Variants in ANXA10 observed in about 807,000 individuals in gnomAD.
The protein encoded by ANXA10 is annexin A10, also known as annexin 14.
Under a neutral mutation model 53.5 loss-of-function variants are expected in ANXA10, and 49 were observed. That is an observed-to-expected ratio of 0.92 (90% CI 0.73 to 1.16). ANXA10 has a LOEUF of 1.16. ANXA10 is among the 50% of genes most tolerant of loss of function. The probability of loss-of-function intolerance (pLI) is 0.00; values close to 1 mark genes in which losing one functional copy is unlikely to be tolerated. For synonymous variants in ANXA10, 131 were observed against 128.9 expected, an observed-to-expected ratio of 1.02 and a Z score of -0.11; for missense variants, 393 against 394.4, an observed-to-expected ratio of 1.00 and a Z score of 0.03.
intron 3 of ANXA10, among the ~76,000 whole-genome samples, chr4:168,153,087 G>A (rs1731525757): frequency 6.6e-6 from 1 of 151,986 alleles, no homozygotes; most frequent in Admixed American, 6.6e-5. Flanking sequence ...CAAGCAATCT[G>A]GCGGCCTCAG....
intron 6 of ANXA10, among the ~76,000 whole-genome samples, chr4:168,170,557 T>C (rs1022525761): frequency 5.9e-5 from 9 of 152,166 alleles, no homozygotes; most frequent in Non-Finnish European, 1.2e-4. Flanking sequence ...CCGTTTGTGG[T>C]TCCACCAAAA....
At chr4:168,147,702 C>T (rs965650186) in intron 3 of ANXA10, among the ~76,000 whole-genome samples, 2 of 152,136 alleles carry the variant, frequency 1.3e-5, no homozygotes, top group African/African-American at 4.8e-5. Flanking sequence ...CCTTTGAATT[C>T]GGGTTTACTT....
chr4:168,141,320 T>G (rs892709599), intron 3 of ANXA10, among the ~76,000 whole-genome samples: 2 of 152,220 alleles, frequency 1.3e-5, no homozygotes, highest in Non-Finnish European at 2.9e-5. Flanking sequence ...ATTATTTCTC[T>G]TCACACATTT....
At chr4:168,148,019 C>T (rs995779754) in intron 3 of ANXA10, among the ~76,000 whole-genome samples, 1 of 152,164 alleles carries the variant, frequency 6.6e-6, no homozygotes. Flanking sequence ...TTTTGGCCTA[C>T]ACAAAGTCCT....
rs1213547376 is a variant in ANXA10 at position 168,155,764 on chromosome 4, A to G, written c.196-6764A>G. Among the ~76,000 whole-genome samples the G allele has an allele frequency of 2.5e-3, 49 of 19,772 alleles. 12 individuals carry two copies. The highest frequency in any genetic ancestry group is 3.5e-3 in the Non-Finnish European group (45 of 12,972). The allele number at this position is 19,772 out of a possible 152,430, so 13.0% of individuals were successfully genotyped here. A position where few individuals can be genotyped will look rare whatever the true frequency, so the allele number is the denominator to read the frequency against. On this transcript the variant is annotated intron_variant, in intron 3 of 11. Coordinates refer to ENST00000359299, the MANE Select transcript of ANXA10 (RefSeq NM_007193.5). ...TCATATATTATATATTATATAATAT[A>G]TGATATATCATATATTATATATTAT...
At chr4:168,164,117 G>C (rs1387629341) in intron 4 of ANXA10, 81 bp from the exon 5 acceptor site, 1 of 1,038,726 alleles carries the variant, frequency 9.6e-7, no homozygotes, top group Non-Finnish European at 1.4e-6. Context: ...TGGAAATGCT[G>C]TATCCCTTTC....
Position 168,177,918 on chromosome 4 carries a change from C to T in ANXA10, c.563C>T (p.Thr188Met), listed in dbSNP as rs939324362. The change falls in exon 8 of 12, where the codon ACG becomes ATG. Residue 188 changes from threonine to methionine, a missense_variant. Physicochemically the swap from Thr to Met is moderately conservative, Grantham distance 81 (BLOSUM62 -1). Transcript: ENST00000359299. ...MVLWEACQQK[T>M]GEHKTMLQMI... ...CTATGGGAAGCCTGTCAGCAGAAGA[C>T]GGGGGAGCACAAAACCATGCTGCAA... The T allele has an allele frequency of 3.2e-5, 51 of 1,613,878 alleles. No individual in the cohort carries two copies. Among genetic ancestry groups the T allele is most frequent in the Non-Finnish European group, 4.2e-5 (49 of 1,180,028 alleles).
chr4:168,151,962 CTCATTCACTCTT>C (rs1162149017), intron 3 of ANXA10, among the ~76,000 whole-genome samples: 2 of 152,142 alleles, frequency 1.3e-5, no homozygotes. Flanking sequence ...ACAAGTAGTC[CTCATTCACTCTT>C]TCATTCACTC....
At chr4:168,146,549 G>T (rs1327277854) in intron 3 of ANXA10, among the ~76,000 whole-genome samples, 1 of 152,156 alleles carries the variant, frequency 6.6e-6, no homozygotes, top group Non-Finnish European at 1.5e-5. Flanking sequence ...AACATAGAAT[G>T]CTTTACCATA....
At chr4:168,182,735 G>C (rs1223587880) in intron 10 of ANXA10, among the ~76,000 whole-genome samples, 1 of 150,560 alleles carries the variant, frequency 6.6e-6, no homozygotes, top group Non-Finnish European at 1.5e-5. Flanking sequence ...TCTCGGCCGC[G>C]CGCAGTGGCT....
intron 6 of ANXA10, among the ~76,000 whole-genome samples, chr4:168,177,164 C>A (rs1028088772): frequency 1.3e-5 from 2 of 152,136 alleles, no homozygotes; most frequent in African/African-American, 4.8e-5. Flanking sequence ...GCCCTCATAA[C>A]CCTCAGGAAT....
At chr4:168,119,740 C>G (rs2149468104) in intron 1 of ANXA10, among the ~76,000 whole-genome samples, 1 of 152,208 alleles carries the variant, frequency 6.6e-6, no homozygotes, top group South Asian at 2.1e-4. Context: ...AAGTACTACA[C>G]AAAGCATGAT....
intron 1 of ANXA10, among the ~76,000 whole-genome samples, chr4:168,094,032 G>A (rs1205720803): frequency 1.3e-5 from 2 of 152,114 alleles, no homozygotes; most frequent in Admixed American, 6.5e-5. Context: ...ATTTGCAAAT[G>A]CCTATTGTTT....
chr4:168,116,721 ATAAAGGTAGTAT>A (rs1730901111), intron 1 of ANXA10, among the ~76,000 whole-genome samples: 1 of 152,182 alleles, frequency 6.6e-6, no homozygotes, highest in Non-Finnish European at 1.5e-5. Context: ...CCATTATGGA[ATAAAGGTAGTAT>A]TATAAACTGG....
intron 8 of ANXA10, chr4:168,178,404 A>G (rs1045102634): frequency 6.4e-6 from 1 of 155,322 alleles, no homozygotes; most frequent in African/African-American, 2.4e-5. Flanking sequence ...TAGAGGGTGC[A>G]CTCATGTTAG....
intron 1 of ANXA10, 77 bp downstream of exon 1, chr4:168,092,795 G>A: frequency 7.3e-7 from 1 of 1,360,910 alleles, no homozygotes; most frequent in Non-Finnish European, 9.9e-7. Context: ...TGTGTTTTTT[G>A]ACGTTTTTAA....
intron 2 of ANXA10, among the ~76,000 whole-genome samples, chr4:168,128,678 G>T (rs1427018363): frequency 6.6e-6 from 1 of 152,008 alleles, no homozygotes; most frequent in Non-Finnish European, 1.5e-5. Context: ...TCAAGAATCT[G>T]TTCAGATGAG....
chr4:168,097,360 C>T (rs1221854716), intron 1 of ANXA10, among the ~76,000 whole-genome samples: 2 of 152,022 alleles, frequency 1.3e-5, no homozygotes, highest in Non-Finnish European at 2.9e-5. Context: ...TAGACACAAT[C>T]GCCTTTGCCA....
At chr4:168,146,384 G>C (rs1340207548) in intron 3 of ANXA10, among the ~76,000 whole-genome samples, 1 of 152,218 alleles carries the variant, frequency 6.6e-6, no homozygotes, top group Non-Finnish European at 1.5e-5. Flanking sequence ...AGGACCTACA[G>C]AACTCTATGA....
Sources: gnomAD v4.1 joint callset for allele counts (sites outside exome capture counted in the v4.1 genomes callset) on GRCh38, gnomAD v4.1.1 for gene constraint, MANE v1.5 for transcripts, NCBI Gene and HGNC (gene_info 2026-07-23, HGNC 2026-07-21) for gene names.